The following CDH9 variants were observed in gnomAD, a reference collection of about 807,000 sequenced individuals.
The protein encoded by CDH9 is cadherin-9.
Under a neutral mutation model 70.9 loss-of-function variants are expected in CDH9, and 28 were observed. The ratio of observed to expected loss-of-function variants is 0.40; its 90% confidence interval spans 0.29 to 0.54. The LOEUF (loss-of-function observed/expected upper bound fraction) is 0.54, where lower values mean the gene tolerates loss of function less well. Ranked by LOEUF, CDH9 falls within the 20% of genes least tolerant of loss-of-function variation. The pLI is 0.59. For missense variants in CDH9, 874 were observed against 984.4 expected, an observed-to-expected ratio of 0.89 and a Z score of 1.50; for synonymous variants, 409 against 343.1, an observed-to-expected ratio of 1.19 and a Z score of -2.12.
intron 1 of CDH9, among the ~76,000 whole-genome samples, chr5:27,035,694 GTGTGTGT>G (rs1743380415): frequency 6.9e-6 from 1 of 144,236 alleles, no homozygotes; most frequent in African/African-American, 2.9e-5. Context: ...GTGTGTGTGT[GTGTGTGT>G]GTGTGTGTGG....
chr5:26,938,505 C>T (rs561098864), intron 2 of CDH9, among the ~76,000 whole-genome samples: 1 of 151,904 alleles, frequency 6.6e-6, no homozygotes, highest in East Asian at 1.9e-4. Flanking sequence ...TTTTAAAAAT[C>T]GGGTGTGCAA....
At chr5:26,958,089 A>G (rs6874768) in intron 2 of CDH9, among the ~76,000 whole-genome samples, 4,659 of 152,268 alleles carry the variant, frequency 0.031, 254 homozygotes, top group African/African-American at 0.11. Flanking sequence ...GGAAAGAGAC[A>G]AAAGATTCAG....
At chr5:26,931,065 T>A (rs1741454064) in intron 2 of CDH9, among the ~76,000 whole-genome samples, 1 of 152,200 alleles carries the variant, frequency 6.6e-6, no homozygotes, top group Admixed American at 6.6e-5. Context: ...TTACCTGTAC[T>A]TGAGCTCTCA....
chr5:26,941,338 A>G (rs1392652208), intron 2 of CDH9, among the ~76,000 whole-genome samples: 3 of 152,180 alleles, frequency 2.0e-5, no homozygotes, highest in Non-Finnish European at 4.4e-5. Flanking sequence ...ATTCTTCCAT[A>G]TGAGAGAACT....
At chr5:26,909,911 C>T (rs538422362) in intron 3 of CDH9, among the ~76,000 whole-genome samples, 34 of 151,598 alleles carry the variant, frequency 2.2e-4, no homozygotes, top group African/African-American at 7.5e-4. Context: ...CAAAAGCATT[C>T]CTCTGGATAT....
At chr5:27,022,746 A>G (rs889269828) in intron 1 of CDH9, among the ~76,000 whole-genome samples, 6 of 152,078 alleles carry the variant, frequency 3.9e-5, no homozygotes, top group Non-Finnish European at 8.8e-5. Context: ...TTTTATACAC[A>G]GAAAGACTGA....
In CDH9 at chr5:27,010,092, T is replaced by C. The variant is rs1001659327; in HGVS notation, c.-49-21710A>G. Among the ~76,000 whole-genome samples the C allele has an allele frequency of 4.6e-5, 7 of 152,216 alleles. No individual in the cohort carries two copies. The Middle Eastern group carries it at 0.01, about 222-fold the overall frequency. ...AGCCATTCACTTGATATGAGATCTA[T>C]CCTGTTAACAAATTGTTAAATGCAC... On this transcript the variant is annotated intron_variant, in intron 1 of 11. Coordinates refer to ENST00000231021, the MANE Select transcript of CDH9 (RefSeq NM_016279.4).
chr5:26,968,558 G>A (rs1742166493), intron 2 of CDH9, among the ~76,000 whole-genome samples: 1 of 152,012 alleles, frequency 6.6e-6, no homozygotes, highest in Non-Finnish European at 1.5e-5. Context: ...AGTTCTGAGG[G>A]TACATTTTTA....
In CDH9 at chr5:26,890,458, G is replaced by A. The variant is rs776900416; in HGVS notation, c.1360C>T (p.His454Tyr). 1.2e-6 allele frequency: 2 copies of A among 1,613,336 alleles called. No individual in the cohort carries two copies. The highest frequency in any genetic ancestry group is 2.2e-5 in the South Asian group (2 of 91,070). ...TCTGTGGCTGTAACAGTGATGTTAT[G>A]CCAAGGAGATGATTCCCGGTCAAGG... The part of the protein sequence containing the change: ...KALDRESSPW[H>Y]NITVTATEIN... Residue 454 changes from histidine (H) to tyrosine (Y), a missense_variant, in exon 8 of 12, where the codon CAT (histidine) becomes TAT (tyrosine). Coordinates refer to ENST00000231021, the MANE Select transcript of CDH9 (RefSeq NM_016279.4).
At chr5:26,945,158 T>G (rs1579467534) in intron 2 of CDH9, among the ~76,000 whole-genome samples, 2 of 152,108 alleles carry the variant, frequency 1.3e-5, no homozygotes, top group South Asian at 2.1e-4. Flanking sequence ...TCTACTCCAA[T>G]TGTCCTCTTA....
chr5:26,930,752 T>G (rs1017309295), intron 2 of CDH9, among the ~76,000 whole-genome samples: 1 of 152,144 alleles, frequency 6.6e-6, no homozygotes, highest in African/African-American at 2.4e-5. Context: ...TTTTAAATTT[T>G]CTAACTTCTT....
At chr5:26,992,490 G>A (rs1742593645) in intron 1 of CDH9, among the ~76,000 whole-genome samples, 1 of 152,144 alleles carries the variant, frequency 6.6e-6, no homozygotes, top group Admixed American at 6.5e-5. Context: ...GCCATGCCTT[G>A]CTTGATGTTA....
chr5:26,972,362 A>G (rs1416628417), intron 2 of CDH9, among the ~76,000 whole-genome samples: 4 of 152,200 alleles, frequency 2.6e-5, no homozygotes, highest in African/African-American at 7.2e-5. Flanking sequence ...AGAGACATCA[A>G]TAATAAGCTC....
chr5:26,930,546 C>T (rs1340923794), intron 2 of CDH9, among the ~76,000 whole-genome samples: 1 of 152,044 alleles, frequency 6.6e-6, no homozygotes, highest in African/African-American at 2.4e-5. Flanking sequence ...ACAATTCAAA[C>T]CCATGTTGTT....
At chr5:26,949,800 T>G (rs1009858771) in intron 2 of CDH9, among the ~76,000 whole-genome samples, 1 of 152,144 alleles carries the variant, frequency 6.6e-6, no homozygotes, top group Non-Finnish European at 1.5e-5. Context: ...GTAGGAGACT[T>G]CCCATGGCTG....
chr5:26,970,492 T>C (rs1156778954), intron 2 of CDH9, among the ~76,000 whole-genome samples: 1 of 152,122 alleles, frequency 6.6e-6, no homozygotes, highest in African/African-American at 2.4e-5. Context: ...ATTGACATGA[T>C]TTCATGTATT....
At chr5:26,902,357 G>A in intron 7 of CDH9, 119 bp downstream of exon 7, 2 of 649,644 alleles carry the variant, frequency 3.1e-6, no homozygotes, top group Non-Finnish European at 5.3e-6. Flanking sequence ...TAAATAGTGA[G>A]ATTATTGGTA....
intron 11 of CDH9, 95 bp from the exon 12 acceptor site, chr5:26,881,718 T>C (rs1740469046): frequency 4.5e-6 from 5 of 1,119,224 alleles, no homozygotes; most frequent in East Asian, 2.4e-5. Flanking sequence ...GCAGGAGATA[T>C]TAAGATTGAT....
At position 26,988,226 on chromosome 5, in the gene CDH9, C is replaced by G; in HGVS notation, c.108G>C (p.Lys36Asn). 1 of 1,613,490 alleles carries G rather than the reference C, an allele frequency of 6.2e-7. No individual in the cohort carries two copies. The highest frequency in any genetic ancestry group is 8.5e-7 in the Non-Finnish European group (1 of 1,179,600). ...CGTCATCTTTTGTCAGACCCGCTATCTTTTTGCTTGATAAATAACTGTTAG... is the reference window on the plus strand; with the variant it reads ...CGTCATCTTTTGTCAGACCCGCTATGTTTTTGCTTGATAAATAACTGTTAG... ...EKPNSYLSSK[K>N]IAGLTKDDGK... The change falls in exon 2 of 12, where the codon AAG (lysine) becomes AAC (asparagine). Residue 36 changes from lysine to asparagine, a missense_variant. By Grantham distance (94) the Lys-to-Asn change is moderately conservative. Transcript: ENST00000231021.
Sources: allele counts gnomAD v4.1 joint callset (sites outside exome capture counted in the v4.1 genomes callset), GRCh38; gene constraint gnomAD v4.1.1; transcripts MANE v1.5; gene names NCBI Gene and HGNC (gene_info 2026-07-23, HGNC 2026-07-21).